The following CDH12 variants were observed in gnomAD, a reference collection of about 807,000 sequenced individuals.
CDH12 encodes the protein cadherin 12.
CDH12 carries 41 observed loss-of-function variants against 74.1 expected under a neutral mutation model. That is an observed-to-expected ratio of 0.55 (90% CI 0.43 to 0.72). The LOEUF is 0.72. Among genes scored for constraint, CDH12 ranks in the 30% least tolerant of loss-of-function variants. CDH12 has a pLI of 0.00. For missense variants in CDH12, 945 were observed against 977.2 expected (o/e 0.97, Z 0.44); for synonymous variants, 399 against 355.0 (o/e 1.12, Z -1.39).
intron 11 of CDH12, among the ~76,000 whole-genome samples, chr5:21,776,781 G>A (rs1745613777): frequency 6.6e-6 from 1 of 152,122 alleles, no homozygotes; most frequent in African/African-American, 2.4e-5. Flanking sequence ...TAGTTAATAC[G>A]TCTTGTGTGT....
At chr5:22,599,635 G>A (rs543019509) in intron 1 of CDH12, among the ~76,000 whole-genome samples, 1 of 151,932 alleles carries the variant, frequency 6.6e-6, no homozygotes, top group South Asian at 2.1e-4. Flanking sequence ...TCAGTTTAGA[G>A]TCAAACACCA....
At chr5:22,186,268 A>G (rs1448398105) in intron 4 of CDH12, among the ~76,000 whole-genome samples, 2 of 152,194 alleles carry the variant, frequency 1.3e-5, no homozygotes, top group Non-Finnish European at 2.9e-5. Context: ...CATTCAGTAA[A>G]ATCCTCAAAA....
At chr5:22,124,094 A>T (rs2150278888) in intron 4 of CDH12, among the ~76,000 whole-genome samples, 1 of 151,718 alleles carries the variant, frequency 6.6e-6, no homozygotes, top group South Asian at 2.1e-4. Context: ...CAGCCTCCCC[A>T]GTAGCTGGGA....
At chr5:22,795,169 C>T (rs1348617570) in intron 1 of CDH12, among the ~76,000 whole-genome samples, 1 of 152,030 alleles carries the variant, frequency 6.6e-6, no homozygotes, top group Non-Finnish European at 1.5e-5. Flanking sequence ...TGCCAAAGAC[C>T]TTGAAGCTAA....
intron 1 of CDH12, among the ~76,000 whole-genome samples, chr5:22,593,548 CTCTCA>C (rs1265072174): frequency 2.0e-5 from 3 of 151,988 alleles, no homozygotes; most frequent in African/African-American, 7.2e-5. Context: ...AGTACAGGTC[CTCTCA>C]TCTCATGTTT....
intron 3 of CDH12, among the ~76,000 whole-genome samples, chr5:22,239,393 G>T (rs186767213): frequency 2.0e-5 from 3 of 152,084 alleles, no homozygotes; most frequent in Non-Finnish European, 2.9e-5. Context: ...GAGCCCTGTG[G>T]GGAAGCAAAG....
intron 2 of CDH12, among the ~76,000 whole-genome samples, chr5:22,474,284 T>C (rs1382162864): frequency 3.3e-5 from 5 of 152,252 alleles, no homozygotes; most frequent in African/African-American, 1.2e-4. Context: ...AGAACTGTAT[T>C]TTCAAATAAT....
At chr5:22,051,719 CT>C (rs1740382409) in intron 5 of CDH12, among the ~76,000 whole-genome samples, 2 of 152,194 alleles carry the variant, frequency 1.3e-5, no homozygotes, top group East Asian at 1.9e-4. Context: ...TTCTCCTCCC[CT>C]GATCTTTAAT....
At chr5:21,810,105 G>A (rs1051730440) in intron 9 of CDH12, among the ~76,000 whole-genome samples, 2 of 152,088 alleles carry the variant, frequency 1.3e-5, no homozygotes, top group African/African-American at 2.4e-5. Context: ...TTGTGCATAT[G>A]AACATGCCTG....
chr5:22,507,588 C>G (rs1736439541), intron 1 of CDH12, among the ~76,000 whole-genome samples: 1 of 152,144 alleles, frequency 6.6e-6, no homozygotes, highest in African/African-American at 2.4e-5. Flanking sequence ...CCCTGTCAAA[C>G]AAAATCTTTA....
intron 4 of CDH12, among the ~76,000 whole-genome samples, chr5:22,084,153 C>T (rs1742917326): frequency 6.6e-6 from 1 of 152,076 alleles, no homozygotes; most frequent in African/African-American, 2.4e-5. Flanking sequence ...AGGCACTAAA[C>T]AGGTCACCAG....
At chr5:21,902,083 T>C (rs1214411146) in intron 6 of CDH12, among the ~76,000 whole-genome samples, 1 of 152,082 alleles carries the variant, frequency 6.6e-6, no homozygotes, top group Non-Finnish European at 1.5e-5. Flanking sequence ...AATTATGCAC[T>C]ATACGCAAAG....
Position 22,259,888 on chromosome 5 carries a change from A to G in CDH12, c.-332-47245T>C, listed in dbSNP as rs186345352. Among the ~76,000 whole-genome samples, 102 of 152,144 alleles carry G rather than the reference A, an allele frequency of 6.7e-4. No homozygotes were observed. In the East Asian group the frequency reaches 0.018, roughly 27 times the overall value. On this transcript the variant is annotated intron_variant, in intron 3 of 14. Transcript: ENST00000382254. ...AATTCTGGCAAATAAATAATAAAAC[A>G]TATACAGAGATTACTAGTAGAAGAC...
At chr5:22,759,225 T>C (rs1746084271) in intron 1 of CDH12, among the ~76,000 whole-genome samples, 1 of 152,036 alleles carries the variant, frequency 6.6e-6, no homozygotes, top group South Asian at 2.1e-4. Context: ...AAAACTTAGA[T>C]TGATTTCAAA....
intron 4 of CDH12, among the ~76,000 whole-genome samples, chr5:22,158,614 T>C (rs1390626594): frequency 6.6e-6 from 1 of 152,120 alleles, no homozygotes. Context: ...AGAATGAATT[T>C]CTAAACCTAT....
intron 7 of CDH12, 109 bp from the exon 8 acceptor site, chr5:21,842,437 A>G (rs1423223319): frequency 2.9e-6 from 2 of 680,482 alleles, no homozygotes; most frequent in East Asian, 2.9e-5. Context: ...ACTAACAGAG[A>G]CATAATAGCT....
intron 6 of CDH12, among the ~76,000 whole-genome samples, chr5:21,936,115 G>A (rs1755062541): frequency 6.6e-6 from 1 of 152,100 alleles, no homozygotes; most frequent in Admixed American, 6.6e-5. Flanking sequence ...ACCCAGGAGT[G>A]GGATTGCTGG....
intron 1 of CDH12, among the ~76,000 whole-genome samples, chr5:22,752,768 T>G (rs1350855538): frequency 2.0e-5 from 3 of 150,252 alleles, no homozygotes; most frequent in South Asian, 2.1e-4. Context: ...AGAGACGGGG[T>G]TTCACCGTTT....
intron 2 of CDH12, among the ~76,000 whole-genome samples, chr5:22,483,502 T>C (rs895860016): frequency 1.8e-4 from 27 of 151,150 alleles, no homozygotes; most frequent in African/African-American, 6.1e-4. Context: ...TTTTAAGTGA[T>C]AGATAGTTGC....
Sources: allele counts gnomAD v4.1 joint callset (sites outside exome capture counted in the v4.1 genomes callset), GRCh38; gene constraint gnomAD v4.1.1; transcripts MANE v1.5; gene names NCBI Gene and HGNC (gene_info 2026-07-23, HGNC 2026-07-21).